Variants in ANKRD6 observed in about 807,000 individuals in gnomAD.
ANKRD6 encodes the protein ankyrin repeat domain 6.
A neutral mutation model predicts 82.3 loss-of-function variants in ANKRD6; 56 were observed. The observed-to-expected ratio is 0.68, with a 90% CI of 0.55 to 0.85. The LOEUF (loss-of-function observed/expected upper bound fraction) is 0.85, where lower values mean the gene tolerates loss of function less well. ANKRD6 is among the 40% of genes least tolerant of loss of function. The pLI, the probability that ANKRD6 is intolerant of heterozygous loss-of-function variation, is 0.00. For synonymous variants in ANKRD6, 347 were observed against 352.1 expected (o/e 0.99, Z 0.16); for missense variants, 852 against 907.6 (o/e 0.94, Z 0.79).
intron 1 of ANKRD6, among the ~76,000 whole-genome samples, chr6:89,535,902 G>C (rs1255477516): frequency 6.6e-6 from 1 of 152,162 alleles, no homozygotes; most frequent in Non-Finnish European, 1.5e-5. Flanking sequence ...GTATAATAGG[G>C]CCAATCCCTT....
At chr6:89,612,118 C>T (rs1330804581) in intron 5 of ANKRD6, among the ~76,000 whole-genome samples, 154 bp from the exon 6 acceptor site, 2 of 152,220 alleles carry the variant, frequency 1.3e-5, no homozygotes, top group Non-Finnish European at 2.9e-5. Flanking sequence ...AATGTTCTTA[C>T]CTCTGAAGCA....
intron 1 of ANKRD6, chr6:89,509,145 C>T (rs1034397225): frequency 1.3e-5 from 2 of 152,290 alleles, no homozygotes; most frequent in African/African-American, 2.4e-5. Context: ...CACCAGTGAC[C>T]TGCCTCTCTC....
intron 6 of ANKRD6, among the ~76,000 whole-genome samples, chr6:89,613,467 G>C (rs1800743588): frequency 6.6e-6 from 1 of 152,150 alleles, no homozygotes; most frequent in African/African-American, 2.4e-5. Context: ...TAGGGTCCCT[G>C]GATCCTCCTC....
intron 1 of ANKRD6, among the ~76,000 whole-genome samples, chr6:89,500,972 C>CTTTTTTT (rs35877637): frequency 1.6e-5 from 2 of 121,818 alleles, no homozygotes. Context: ...CCCAATTAGT[C>CTTTTTTT]TTTTTTTTTT....
intron 1 of ANKRD6, among the ~76,000 whole-genome samples, chr6:89,465,118 TA>T (rs977823999): frequency 5.3e-5 from 8 of 149,708 alleles, no homozygotes; most frequent in African/African-American, 1.7e-4. Flanking sequence ...CACATTGCTT[TA>T]ATTTTTTTTT....
At chr6:89,443,944 T>C (rs1202012061) in intron 1 of ANKRD6, among the ~76,000 whole-genome samples, 1 of 152,236 alleles carries the variant, frequency 6.6e-6, no homozygotes, top group Non-Finnish European at 1.5e-5. Context: ...CGCTTCCGAA[T>C]AGAAATGATA....
intron 1 of ANKRD6, among the ~76,000 whole-genome samples, chr6:89,559,801 AG>A (rs999843518): frequency 2.6e-5 from 4 of 152,078 alleles, no homozygotes; most frequent in Non-Finnish European, 5.9e-5. Flanking sequence ...TTGAGGGGGA[AG>A]GGAGAGAGGA....
chr6:89,606,083 C>G lies in ANKRD6; in HGVS notation c.395C>G (p.Ala132Gly), dbSNP rs1010072272. The G allele has an allele frequency of 3.2e-6, 5 of 1,577,972 alleles. No individual in the cohort carries two copies. Among genetic ancestry groups the G allele is most frequent in the Non-Finnish European group, 4.3e-6 (5 of 1,160,994 alleles). ...GCCAAGCTGCTCATTAAAGCAGGAG[C>G]CAACGTGCTTGCCAAGAACAAGGTG... is the stretch of plus-strand genomic sequence containing the variant. ...QSAKLLIKAG[A>G]NVLAKNKAGN... The change falls in exon 5 of 16, where the codon GCC becomes GGC. Residue 132 changes from alanine (A) to glycine (G), a missense_variant. Physicochemically the swap from Ala to Gly is moderately conservative, Grantham distance 60 (BLOSUM62 0). Transcript: ENST00000339746.
At chr6:89,598,190 C>G in intron 3 of ANKRD6, 1 of 985,376 alleles carries the variant, frequency 1.0e-6, no homozygotes. Context: ...CCTGTGGAAA[C>G]CAGTTCTTTA....
At position 89,624,443 on chromosome 6, in the gene ANKRD6, A is replaced by G. The variant is rs1171886709; in HGVS notation, c.1219-96A>G. On this transcript the variant is annotated intron_variant, in intron 12 of 15. Transcript: ENST00000339746. ...TGAGCCTATCTCTTCCATCATCTCT[A>G]TCCCCTGGTATACTGCCTGGCACGT... 1.7e-5 allele frequency: 24 copies of G among 1,415,042 alleles called. No individual in the cohort carries two copies. In the East Asian group the frequency reaches 2.0e-4, roughly 12 times the overall value. The allele number at this position is 1,415,042 out of a possible 1,614,324, so 87.7% of individuals were successfully genotyped here.
At chr6:89,504,407 G>A (rs186951906) in intron 1 of ANKRD6, among the ~76,000 whole-genome samples, 3 of 137,418 alleles carry the variant, frequency 2.2e-5, no homozygotes, top group Admixed American at 7.2e-5. Context: ...GCTCTCGCTC[G>A]CGCTCTCGCT....
At chr6:89,484,582 ATCTC>A (rs1777158889) in intron 1 of ANKRD6, among the ~76,000 whole-genome samples, 1 of 152,222 alleles carries the variant, frequency 6.6e-6, no homozygotes, top group Non-Finnish European at 1.5e-5. Context: ...ATGTTTTCAG[ATCTC>A]TCTGTCTTTG....
chr6:89,536,798 A>G (rs900541062), intron 1 of ANKRD6, among the ~76,000 whole-genome samples: 3 of 152,368 alleles, frequency 2.0e-5, no homozygotes, highest in East Asian at 1.9e-4. Flanking sequence ...AGCCTGGGCA[A>G]GACAGTTGCC....
intron 1 of ANKRD6, among the ~76,000 whole-genome samples, chr6:89,565,642 C>T (rs775679331): frequency 1.2e-4 from 19 of 152,292 alleles, no homozygotes; most frequent in Admixed American, 3.9e-4. Flanking sequence ...GCTTTCCAGC[C>T]GTATCATGGC....
At chr6:89,585,790 C>T (rs948304724) in intron 2 of ANKRD6, among the ~76,000 whole-genome samples, 1 of 152,168 alleles carries the variant, frequency 6.6e-6, no homozygotes, top group South Asian at 2.1e-4. Context: ...TGCCTGTAGT[C>T]CCAGCTACTC....
intron 2 of ANKRD6, among the ~76,000 whole-genome samples, chr6:89,569,693 A>G (rs771367940): frequency 6.6e-6 from 1 of 152,196 alleles, no homozygotes; most frequent in Non-Finnish European, 1.5e-5. Context: ...TACCTGTACC[A>G]TTTTACATTC....
chr6:89,436,597 A>AT (rs1770666935), intron 1 of ANKRD6, among the ~76,000 whole-genome samples: 1 of 152,236 alleles, frequency 6.6e-6, no homozygotes, highest in African/African-American at 2.4e-5. Context: ...TTCTGTTTAT[A>AT]TTAGGTACCT....
chr6:89,504,552 C>G (rs1198909786), intron 1 of ANKRD6, among the ~76,000 whole-genome samples: 1 of 150,710 alleles, frequency 6.6e-6, no homozygotes, highest in Non-Finnish European at 1.5e-5. Flanking sequence ...AAGACATGTG[C>G]TACCCGCCTG....
chr6:89,609,488 G>C (rs537909475), intron 5 of ANKRD6, among the ~76,000 whole-genome samples: 1 of 152,156 alleles, frequency 6.6e-6, no homozygotes, highest in South Asian at 2.1e-4. Flanking sequence ...TTTTAGTAGA[G>C]ACAGCGTTTC....
Sources: gnomAD v4.1 joint callset for allele counts (sites outside exome capture counted in the v4.1 genomes callset) on GRCh38, gnomAD v4.1.1 for gene constraint, MANE v1.5 for transcripts, NCBI Gene and HGNC (gene_info 2026-07-23, HGNC 2026-07-21) for gene names.